The following TNKS variants were observed in gnomAD, a reference collection of about 807,000 sequenced individuals.
TNKS encodes the protein tankyrase.
TNKS carries 72 observed loss-of-function variants against 135.8 expected under a neutral mutation model. That is an observed-to-expected ratio of 0.53 (90% CI 0.44 to 0.64). The LOEUF (loss-of-function observed/expected upper bound fraction) is 0.64, where lower values mean the gene tolerates loss of function less well. Ranked by LOEUF, TNKS falls within the 30% of genes least tolerant of loss-of-function variation. The pLI is 0.00. For synonymous variants in TNKS, 849 were observed against 649.3 expected (o/e 1.31, Z -4.68); for missense variants, 1,769 against 1,674.0 (o/e 1.06, Z -0.99).
At chr8:9,567,314 T>G (rs562127213) in intron 1 of TNKS, among the ~76,000 whole-genome samples, 85 of 152,356 alleles carry the variant, frequency 5.6e-4, no homozygotes, top group African/African-American at 1.9e-3. Flanking sequence ...TTTTGTTCAG[T>G]TGATTGTTTT....
At chr8:9,569,873 A>T (rs758509396) in intron 1 of TNKS, among the ~76,000 whole-genome samples, 1 of 146,036 alleles carries the variant, frequency 6.8e-6, no homozygotes, top group African/African-American at 2.7e-5. Context: ...TTAAAATTTT[A>T]TCTGTAAGCT....
At chr8:9,699,350 G>C (rs1247626716) in intron 5 of TNKS, among the ~76,000 whole-genome samples, 11 of 152,052 alleles carry the variant, frequency 7.2e-5, no homozygotes, top group African/African-American at 2.7e-4. Flanking sequence ...TGATTTTTTT[G>C]CTTTGGATCA....
At position 9,622,834 on chromosome 8, in the gene TNKS, T is replaced by C. The variant is rs527640260; in HGVS notation, c.994+7157T>C. ...AATTGATTCTTTGAACTTTGCATAG[T>C]AACCTTCCCTTATCTGTGGGGATAC... is the stretch of plus-strand genomic sequence containing the variant. On this transcript the variant is annotated intron_variant, in intron 3 of 26. Transcript: ENST00000310430. Among the ~76,000 whole-genome samples, 11 of 152,344 alleles carry C rather than the reference T, an allele frequency of 7.2e-5. 1 individual carries two copies. The highest frequency in any genetic ancestry group is 2.6e-4 in the African/African-American group (11 of 41,580).
chr8:9,729,007 G>A (rs1008096253), intron 13 of TNKS, among the ~76,000 whole-genome samples: 1 of 152,166 alleles, frequency 6.6e-6, no homozygotes, highest in African/African-American at 2.4e-5. Flanking sequence ...CTGGAGGCTA[G>A]GAAGTCCAAG....
Position 9,706,917 on chromosome 8 carries a change from C to G in TNKS, c.1376C>G (p.Ala459Gly). The G allele has an allele frequency of 1.2e-6, 2 of 1,614,102 alleles. No individual in the cohort carries two copies. The highest frequency in any genetic ancestry group is 1.7e-6 in the Non-Finnish European group (2 of 1,179,998). Residue 459 changes from alanine to glycine, a missense_variant, in exon 8 of 27, where the codon GCT becomes GGT. Physicochemically the swap from Ala to Gly is moderately conservative, Grantham distance 60. Around this residue, in one of 5 missense-constraint regions of TNKS, gnomAD observed 523 missense variants for 541.0 expected, o/e 0.97. Coordinates refer to ENST00000310430, the MANE Select transcript of TNKS (RefSeq NM_003747.3). ...EVCSLLLSHG[A>G]DPTLVNCHGK... ...TGCTCTTTGTTACTTAGCCATGGCG[C>G]TGATCCTACATTAGTCAACTGCCAT...
At chr8:9,573,653 A>G (rs909565027) in intron 1 of TNKS, among the ~76,000 whole-genome samples, 2 of 152,154 alleles carry the variant, frequency 1.3e-5, no homozygotes, top group Non-Finnish European at 2.9e-5. Flanking sequence ...GTTGGGTGTA[A>G]TGGGATCTTT....
chr8:9,669,896 A>G (rs1563156422), intron 3 of TNKS, among the ~76,000 whole-genome samples: 1 of 152,218 alleles, frequency 6.6e-6, no homozygotes, highest in Non-Finnish European at 1.5e-5. Context: ...TAAATATTAT[A>G]TCTAAAAGGC....
At chr8:9,741,728 G>A (rs1474004019) in intron 17 of TNKS, 1 of 530,084 alleles carries the variant, frequency 1.9e-6, no homozygotes, top group African/African-American at 1.9e-5. Context: ...AAAATGTACA[G>A]TGGTTCTCTT....
Position 9,777,741 on chromosome 8 carries a change from T to C in TNKS, c.*1005T>C, listed in dbSNP as rs766890355. The C allele has an allele frequency of 1.3e-5, 2 of 152,190 alleles. No individual in the cohort carries two copies. The highest frequency in any genetic ancestry group is 2.9e-5 in the Non-Finnish European group (2 of 68,040). 9.4% of individuals were successfully genotyped at this position (152,190 alleles called of 1,614,324 possible). On this transcript the variant is annotated 3_prime_UTR_variant, in exon 27 of 27. Coordinates refer to ENST00000310430, the MANE Select transcript of TNKS (RefSeq NM_003747.3). The stretch of plus-strand genomic sequence containing the variant: ...CTTCCCTTAATCTGTACTGTTGGGA[T>C]TGTTACCCCTCCAAATTAGCTGCCT...
rs1157926202 is a variant in TNKS at position 9,615,607 on chromosome 8, A to G, written c.924A>G (p.Pro308=). The G allele has an allele frequency of 3.1e-6, 5 of 1,613,628 alleles. No homozygotes were observed. The highest frequency in any genetic ancestry group is 4.2e-6 in the Non-Finnish European group (5 of 1,179,898). The change falls in exon 3 of 27, where the codon CCA becomes CCG. Residue 308 remains proline, a synonymous_variant. Coordinates refer to ENST00000310430, the MANE Select transcript of TNKS (RefSeq NM_003747.3). ...TGCTGCTGCAGCACGGAGCTGACCC[A>G]AACATTCGGAACACTGATGGGAAAT... The part of the protein sequence containing the change: ...CIVLLQHGAD[P]NIRNTDGKSA...
chr8:9,663,119 G>C (rs1801809029), intron 3 of TNKS, among the ~76,000 whole-genome samples: 1 of 152,206 alleles, frequency 6.6e-6, no homozygotes, highest in African/African-American at 2.4e-5. Context: ...GGCTTTGGAA[G>C]CTGAAAAAGA....
intron 20 of TNKS, among the ~76,000 whole-genome samples, chr8:9,755,888 T>C (rs930485521): frequency 6.6e-6 from 1 of 152,200 alleles, no homozygotes; most frequent in Non-Finnish European, 1.5e-5. Context: ...GTTACTCTCT[T>C]GGAAGTCTCT....
At position 9,624,076 on chromosome 8, in the gene TNKS, C is replaced by G. The variant is rs113714857; in HGVS notation, c.994+8399C>G. 1.1e-4 allele frequency among the ~76,000 whole-genome samples: 17 copies of G among 152,126 alleles called. No individual in the cohort carries two copies. The East Asian group carries it at 1.5e-3, about 14-fold the overall frequency. On this transcript the variant is annotated intron_variant, in intron 3 of 26. Coordinates refer to ENST00000310430, the MANE Select transcript of TNKS (RefSeq NM_003747.3). ...ACTTTCTGTTTGGATAATCTCACCA[C>G]TCTAGTACTTCAAGTCCTTCCAATG...
intron 17 of TNKS, among the ~76,000 whole-genome samples, chr8:9,742,023 G>A (rs544833268): frequency 2.4e-4 from 37 of 152,198 alleles, no homozygotes; most frequent in African/African-American, 7.9e-4. Context: ...TGTAAATGAA[G>A]GTAACTTACT....
Position 9,556,114 on chromosome 8 carries a change from C to T in TNKS, c.175C>T (p.Pro59Ser). ...TASGLAPFAS[P>S]RHGLALPEGD... Reference sequence around the variant, plus strand: ...CAGCGGCCTGGCCCCCTTCGCCTCCCCGCGGCACGGCCTAGCGCTGCCGGA... The same window carrying T: ...CAGCGGCCTGGCCCCCTTCGCCTCCTCGCGGCACGGCCTAGCGCTGCCGGA... The change falls in exon 1 of 27, where the codon CCG becomes TCG. Residue 59 changes from proline to serine, a missense_variant. Coordinates refer to ENST00000310430, the MANE Select transcript of TNKS (RefSeq NM_003747.3). 1 of 1,601,408 alleles carries T rather than the reference C, an allele frequency of 6.2e-7. No homozygotes were observed. Among genetic ancestry groups the T allele is most frequent in the Non-Finnish European group, 8.5e-7 (1 of 1,174,484 alleles).
At chr8:9,649,835 CATGGTGT>C (rs1421381455) in intron 3 of TNKS, among the ~76,000 whole-genome samples, 1 of 149,546 alleles carries the variant, frequency 6.7e-6, no homozygotes, top group African/African-American at 2.5e-5. Flanking sequence ...ACTAGTATTC[CATGGTGT>C]ATATATATAC....
chr8:9,598,889 TGA>T (rs1798911890), intron 2 of TNKS, among the ~76,000 whole-genome samples: 1 of 145,846 alleles, frequency 6.9e-6, no homozygotes, highest in African/African-American at 2.5e-5. Context: ...CGTGAGGCCT[TGA>T]GAGAGAGGAA....
chr8:9,771,577 A>G (rs1385196698), intron 26 of TNKS, among the ~76,000 whole-genome samples: 11 of 133,292 alleles, frequency 8.3e-5, no homozygotes, highest in African/African-American at 2.9e-4. Flanking sequence ...GAGAGGAAGG[A>G]AGAGAGAAAG....
At chr8:9,753,353 T>C (rs1395041194) in intron 20 of TNKS, among the ~76,000 whole-genome samples, 2 of 152,190 alleles carry the variant, frequency 1.3e-5, no homozygotes, top group Non-Finnish European at 2.9e-5. Flanking sequence ...TTTAAAAAAT[T>C]GCCCCTTTAT....
Sources: allele counts gnomAD v4.1 joint callset (sites outside exome capture counted in the v4.1 genomes callset), GRCh38; gene constraint gnomAD v4.1.1; regional missense constraint gnomAD v4.1.1; transcripts MANE v1.5; gene names NCBI Gene and HGNC (gene_info 2026-07-23, HGNC 2026-07-21).